INPP4B: variants seen among roughly 807,000 people sequenced by gnomAD.
INPP4B encodes the protein inositol polyphosphate-4-phosphatase type II B, also known as inositol polyphosphate 4-phosphatase type II.
In INPP4B, 55 loss-of-function variants were observed where a neutral mutation model predicts 122.5. That is an observed-to-expected ratio of 0.45 (90% CI 0.36 to 0.56). The LOEUF (loss-of-function observed/expected upper bound fraction) is 0.56, where lower values mean the gene tolerates loss of function less well. Ranked by LOEUF, INPP4B falls within the 20% of genes least tolerant of loss-of-function variation. The pLI, the probability that INPP4B is intolerant of heterozygous loss-of-function variation, is 0.00. For missense variants in INPP4B, 1,000 were observed against 1,097.7 expected (o/e 0.91, Z 1.26); for synonymous variants, 403 against 388.7 (o/e 1.04, Z -0.43).
intron 1 of INPP4B, among the ~76,000 whole-genome samples, chr4:142,739,960 G>A (rs1767666718): frequency 6.6e-6 from 1 of 151,966 alleles, no homozygotes; most frequent in Non-Finnish European, 1.5e-5. Flanking sequence ...TAACATTTCT[G>A]ATTTAGCCGA....
intron 25 of INPP4B, among the ~76,000 whole-genome samples, chr4:142,051,373 T>C (rs958923249): frequency 6.6e-6 from 1 of 152,042 alleles, no homozygotes; most frequent in Non-Finnish European, 1.5e-5. Flanking sequence ...TACTAGATGC[T>C]GGGTTAACAA....
chr4:142,601,606 A>G (rs2150298668), intron 2 of INPP4B, among the ~76,000 whole-genome samples: 1 of 151,894 alleles, frequency 6.6e-6, no homozygotes, highest in Non-Finnish European at 1.5e-5. Flanking sequence ...AAGACCAGAA[A>G]GATTTCAAAT....
chr4:142,108,179 A>G lies in INPP4B; in HGVS notation c.2288T>C (p.Val763Ala). Residue 763 changes from valine to alanine, a missense_variant, in exon 23 of 26, where the codon GTC becomes GCC. By Grantham distance (64) the Val-to-Ala change is moderately conservative. Transcript: ENST00000262992. ...CTGATTAATACTTTCTTGCAAAGAG[A>G]CATCTCCAAACCTACAAACAGAAAA... ...QQTLAERFGD[V>A]SLQESINQEN... 1 of 1,585,398 alleles carries G rather than the reference A, an allele frequency of 6.3e-7. No homozygotes were observed. Among genetic ancestry groups the G allele is most frequent in the Non-Finnish European group, 8.7e-7 (1 of 1,155,560 alleles).
At chr4:142,464,924 G>C (rs1242814124) in intron 2 of INPP4B, among the ~76,000 whole-genome samples, 2 of 152,096 alleles carry the variant, frequency 1.3e-5, no homozygotes, top group Non-Finnish European at 2.9e-5. Flanking sequence ...GCAGTATCCT[G>C]TCCTTATTAA....
At chr4:142,206,851 C>A (rs1214317783) in intron 14 of INPP4B, among the ~76,000 whole-genome samples, 1 of 152,000 alleles carries the variant, frequency 6.6e-6, no homozygotes, top group Admixed American at 6.6e-5. Flanking sequence ...TTTAAGTACA[C>A]AATATAGTAC....
chr4:142,772,449 T>C (rs1773230873), intron 1 of INPP4B, among the ~76,000 whole-genome samples: 1 of 152,142 alleles, frequency 6.6e-6, no homozygotes, highest in Non-Finnish European at 1.5e-5. Context: ...GTGAACAATC[T>C]GTTTCTCCCA....
chr4:142,189,792 G>A (rs1284897042), intron 15 of INPP4B, among the ~76,000 whole-genome samples: 1 of 152,204 alleles, frequency 6.6e-6, no homozygotes, highest in Non-Finnish European at 1.5e-5. Context: ...GATGAGGGTA[G>A]ACACTGGTGG....
intron 2 of INPP4B, among the ~76,000 whole-genome samples, chr4:142,563,239 C>T (rs563730946): frequency 6.6e-6 from 1 of 152,290 alleles, no homozygotes; most frequent in African/African-American, 2.4e-5. Context: ...TTATTGGCAA[C>T]ATGTCCACTG....
chr4:142,487,126 G>A (rs773581574), intron 2 of INPP4B, among the ~76,000 whole-genome samples: 10 of 152,090 alleles, frequency 6.6e-5, no homozygotes, highest in Non-Finnish European at 1.2e-4. Flanking sequence ...TTTTAAAAAC[G>A]GGAGTTTCTC....
At chr4:142,624,675 C>T in intron 2 of INPP4B, among the ~76,000 whole-genome samples, 1 of 151,924 alleles carries the variant, frequency 6.6e-6, no homozygotes, top group Non-Finnish European at 1.5e-5. Flanking sequence ...AGACACAACC[C>T]CAAAAAAGAG....
intron 1 of INPP4B, among the ~76,000 whole-genome samples, chr4:142,831,167 A>C (rs1411661903): frequency 1.3e-5 from 2 of 152,208 alleles, no homozygotes; most frequent in African/African-American, 2.4e-5. Flanking sequence ...CCCATTTTCT[A>C]CTACTCAGCT....
intron 2 of INPP4B, chr4:142,654,827 T>A (rs1753824214): frequency 6.6e-6 from 1 of 152,264 alleles, no homozygotes; most frequent in African/African-American, 2.4e-5. Flanking sequence ...AAATAGTAAA[T>A]AAGGTGCAGA....
chr4:142,194,610 C>G (rs113493752), intron 14 of INPP4B, among the ~76,000 whole-genome samples: 15 of 152,266 alleles, frequency 9.9e-5, no homozygotes, highest in African/African-American at 3.4e-4. Context: ...GATAAGAAGG[C>G]TGAGGATCAT....
chr4:142,558,771 G>A (rs1176098113), intron 2 of INPP4B, among the ~76,000 whole-genome samples: 2 of 132,830 alleles, frequency 1.5e-5, no homozygotes, highest in Non-Finnish European at 3.1e-5. Context: ...CTACAGCCTG[G>A]GCGACAGAGC....
chr4:142,562,742 T>A (rs1730743764), intron 2 of INPP4B, among the ~76,000 whole-genome samples: 1 of 151,900 alleles, frequency 6.6e-6, no homozygotes. Context: ...TAAAGAGAAA[T>A]AAAGAGAAAA....
intron 22 of INPP4B, among the ~76,000 whole-genome samples, chr4:142,111,782 C>T (rs533158825): frequency 5.9e-5 from 9 of 152,032 alleles, no homozygotes; most frequent in Non-Finnish European, 1.2e-4. Flanking sequence ...CTCGCTCTGC[C>T]GCCCAGGCTA....
chr4:142,694,778 G>GTGCTCTTCA (rs1490602466), intron 2 of INPP4B, among the ~76,000 whole-genome samples: 1 of 152,000 alleles, frequency 6.6e-6, no homozygotes, highest in Non-Finnish European at 1.5e-5. Context: ...GAGGGTTCAC[G>GTGCTCTTCA]CTGAGAAGAG....
At chr4:142,190,735 TGTGTGTGTGTGC>T (rs1003319974) in intron 15 of INPP4B, among the ~76,000 whole-genome samples, 6 of 145,244 alleles carry the variant, frequency 4.1e-5, no homozygotes, top group Admixed American at 6.9e-5. Context: ...TGTGTGTGTG[TGTGTGTGTGTGC>T]GCGTGTGTGT....
intron 7 of INPP4B, among the ~76,000 whole-genome samples, chr4:142,336,359 G>T (rs1776581500): frequency 1.3e-5 from 2 of 152,182 alleles, no homozygotes; most frequent in South Asian, 4.1e-4. Flanking sequence ...TGTGCTGCAG[G>T]CAGAGGGAGC....
Sources: gnomAD v4.1 joint callset for allele counts (sites outside exome capture counted in the v4.1 genomes callset) on GRCh38, gnomAD v4.1.1 for gene constraint, MANE v1.5 for transcripts, NCBI Gene and HGNC (gene_info 2026-07-23, HGNC 2026-07-21) for gene names.